The following CSGALNACT1 variants were observed in gnomAD, a reference collection of about 807,000 sequenced individuals.
CSGALNACT1 encodes the protein beta4GalNAcT-1.
CSGALNACT1 carries 52 observed loss-of-function variants against 51.0 expected under a neutral mutation model. The ratio of observed to expected loss-of-function variants is 1.02; its 90% CI spans 0.82 to 1.29. The LOEUF is 1.29. CSGALNACT1 is among the 50% of genes most tolerant of loss of function. The pLI, the probability that CSGALNACT1 is intolerant of heterozygous loss-of-function variation, is 0.00. For missense variants in CSGALNACT1, 935 were observed against 679.2 expected (o/e 1.38, Z -4.19); for synonymous variants, 341 against 254.4 (o/e 1.34, Z -3.24).
intron 6 of CSGALNACT1, among the ~76,000 whole-genome samples, chr8:19,437,818 A>G (rs1477435060): frequency 6.6e-6 from 1 of 152,210 alleles, no homozygotes; most frequent in African/African-American, 2.4e-5. Context: ...ATTGATGACT[A>G]GATGTTTGCC....
chr8:19,559,569 A>T (rs891601498), intron 3 of CSGALNACT1, among the ~76,000 whole-genome samples: 1 of 152,212 alleles, frequency 6.6e-6, no homozygotes, highest in Non-Finnish European at 1.5e-5. Flanking sequence ...ATCCAAATAC[A>T]TTCACAGATA....
At chr8:19,584,202 T>C (rs986756333) in intron 3 of CSGALNACT1, among the ~76,000 whole-genome samples, 1 of 152,212 alleles carries the variant, frequency 6.6e-6, no homozygotes, top group Admixed American at 6.5e-5. Flanking sequence ...ATAGTCTAAC[T>C]AAACAATCAC....
At chr8:19,560,474 A>G (rs922434580) in intron 3 of CSGALNACT1, among the ~76,000 whole-genome samples, 1 of 152,168 alleles carries the variant, frequency 6.6e-6, no homozygotes, top group Admixed American at 6.5e-5. Flanking sequence ...TAGGAAAGAG[A>G]TCAGTCACAT....
At chr8:19,510,689 A>AG (rs1284117624) in intron 3 of CSGALNACT1, among the ~76,000 whole-genome samples, 1 of 152,236 alleles carries the variant, frequency 6.6e-6, no homozygotes, top group Non-Finnish European at 1.5e-5. Flanking sequence ...CGTATGGGTG[A>AG]GGAGTGGGAG....
chr8:19,469,784 C>G (rs1250601349), intron 4 of CSGALNACT1, among the ~76,000 whole-genome samples: 1 of 152,186 alleles, frequency 6.6e-6, no homozygotes, highest in Non-Finnish European at 1.5e-5. Flanking sequence ...CGACCCCATT[C>G]TGGGTTTTTC....
chr8:19,617,006 TA>T (rs2053121856), intron 1 of CSGALNACT1, among the ~76,000 whole-genome samples: 1 of 152,210 alleles, frequency 6.6e-6, no homozygotes, highest in African/African-American at 2.4e-5. Flanking sequence ...AGAAAATAAT[TA>T]CACAACTCAC....
intron 4 of CSGALNACT1, among the ~76,000 whole-genome samples, chr8:19,462,817 T>C (rs1247483368): frequency 6.6e-6 from 1 of 152,206 alleles, no homozygotes; most frequent in East Asian, 1.9e-4. Context: ...AGTTTTCTTT[T>C]TTTTTTCAAC....
At chr8:19,661,395 C>A (rs2058732129) in intron 1 of CSGALNACT1, among the ~76,000 whole-genome samples, 2 of 152,190 alleles carry the variant, frequency 1.3e-5, no homozygotes, top group Admixed American at 1.3e-4. Flanking sequence ...AGTTCTCCTG[C>A]ATGGCACTGA....
rs559134156 is a variant in CSGALNACT1 at position 19,570,215 on chromosome 8, T to A, written c.-297+20945A>T. Among the ~76,000 whole-genome samples the A allele has an allele frequency of 2.6e-5, 4 of 152,332 alleles. No individual in the cohort carries two copies. The East Asian group carries it at 7.7e-4, about 29-fold the overall frequency. ...AGATTTTTGTACTTTATGTAAGTTA[T>A]ACCTCATTAGAAAGGTAAGAAACAA... On this transcript the variant is annotated intron_variant, in intron 3 of 9. Transcript: ENST00000454498.
At chr8:19,619,387 G>A (rs1330702697) in intron 1 of CSGALNACT1, among the ~76,000 whole-genome samples, 1 of 152,092 alleles carries the variant, frequency 6.6e-6, no homozygotes. Flanking sequence ...AGGAGGCTGG[G>A]AACCTCTGCG....
rs185195462 is a variant in CSGALNACT1, at chr8:19,737,164, A to T, written c.-297+20686T>A. Among the ~76,000 whole-genome samples the T allele has an allele frequency of 7.7e-3, 1,169 of 152,308 alleles. 10 individuals carry two copies. The highest frequency in any genetic ancestry group is 0.012 in the Non-Finnish European group (816 of 67,994). The stretch of plus-strand genomic sequence containing the variant: ...ATGAAACTATCTTTGAAAGCTTAGA[A>T]TAAAATGAAGTTACTGTCAGATAAA... On this transcript the variant is annotated intron_variant, in intron 1 of 1. Coordinates refer to the CSGALNACT1 transcript ENST00000517494.
intron 2 of CSGALNACT1, among the ~76,000 whole-genome samples, chr8:19,600,738 T>A (rs2050229187): frequency 6.6e-6 from 1 of 152,178 alleles, no homozygotes; most frequent in African/African-American, 2.4e-5. Flanking sequence ...ACACCCTCAT[T>A]TAAGTACAGG....
chr8:19,483,444 C>T (rs935604444), intron 4 of CSGALNACT1, among the ~76,000 whole-genome samples: 2 of 152,188 alleles, frequency 1.3e-5, no homozygotes, highest in African/African-American at 2.4e-5. Context: ...TATGAATTCA[C>T]CAAGCTCTGC....
At chr8:19,703,581 G>A (rs770370526) in intron 1 of CSGALNACT1, among the ~76,000 whole-genome samples, 1 of 152,166 alleles carries the variant, frequency 6.6e-6, no homozygotes, top group Non-Finnish European at 1.5e-5. Context: ...GGGATTACCG[G>A]TGGGTGTGAG....
At chr8:19,528,706 A>G (rs2082188305) in intron 3 of CSGALNACT1, among the ~76,000 whole-genome samples, 1 of 152,198 alleles carries the variant, frequency 6.6e-6, no homozygotes. Flanking sequence ...CCCTCTTACT[A>G]GGATACCTCA....
At chr8:19,541,246 A>ATTTT (rs34749639) in intron 3 of CSGALNACT1, among the ~76,000 whole-genome samples, 13 of 111,292 alleles carry the variant, frequency 1.2e-4, no homozygotes, top group African/African-American at 2.9e-4. Flanking sequence ...AACTTGGCTA[A>ATTTT]TTTTTTTTTT....
At chr8:19,533,098 A>G (rs568605735) in intron 3 of CSGALNACT1, among the ~76,000 whole-genome samples, 1 of 152,220 alleles carries the variant, frequency 6.6e-6, no homozygotes, top group Admixed American at 6.5e-5. Flanking sequence ...TTAGTCTTAA[A>G]GCAGTTTGAC....
intron 4 of CSGALNACT1, among the ~76,000 whole-genome samples, chr8:19,501,876 C>A (rs929347220): frequency 6.6e-6 from 1 of 152,284 alleles, no homozygotes; most frequent in Non-Finnish European, 1.5e-5. Context: ...TTGATTCCAT[C>A]TCTACTCTCA....
intron 1 of CSGALNACT1, among the ~76,000 whole-genome samples, chr8:19,619,703 T>A (rs1244818352): frequency 6.6e-6 from 1 of 152,228 alleles, no homozygotes; most frequent in Non-Finnish European, 1.5e-5. Flanking sequence ...AGTTTTGAAC[T>A]GTTGAACACA....
Sources: allele counts gnomAD v4.1 joint callset (sites outside exome capture counted in the v4.1 genomes callset), GRCh38; gene constraint gnomAD v4.1.1; transcripts MANE v1.5; gene names NCBI Gene and HGNC (gene_info 2026-07-23, HGNC 2026-07-21).